FAM83A: variants seen among roughly 807,000 people sequenced by gnomAD.
FAM83A encodes the protein scaffolding CK1 anchoring protein A.
Under a neutral mutation model 24.4 loss-of-function variants are expected in FAM83A, and 21 were observed. The ratio of observed to expected loss-of-function variants is 0.86; its 90% CI spans 0.61 to 1.24. The LOEUF is 1.24. Ranked by LOEUF, FAM83A falls within the 50% of genes most tolerant of loss-of-function variation. The pLI is 0.00. For missense variants in FAM83A, 617 were observed against 579.8 expected, an observed-to-expected ratio of 1.06 and a Z score of -0.66; for synonymous variants, 270 against 252.4, an observed-to-expected ratio of 1.07 and a Z score of -0.66.
rs568369880 is a variant in FAM83A, at chr8:123,194,256, A to G, written c.773+108A>G. 184 of 1,488,920 alleles carry G rather than the reference A, an allele frequency of 1.2e-4. 3 individuals carry two copies. The South Asian group carries it at 1.8e-3, about 14-fold the overall frequency. The allele number at this position is 1,488,920 out of a possible 1,614,324, so 92.2% of individuals were successfully genotyped here. A position where few individuals can be genotyped will look rare whatever the true frequency, so the allele number is the denominator to read the frequency against. On this transcript the variant is annotated intron_variant, in intron 3 of 3. Transcript: ENST00000690554. ...CACAAACACCCCCAGCAGCTCCCAG[A>G]AGGTCTCCCTCTGCCCGGAGCTGGA...
intron 3 of FAM83A, among the ~76,000 whole-genome samples, chr8:123,194,930 T>C (rs1444675883): frequency 2.0e-5 from 3 of 152,230 alleles, no homozygotes; most frequent in Non-Finnish European, 4.4e-5. Context: ...TCCAAATGAC[T>C]GACCACCCAT....
upstream of FAM83A, among the ~76,000 whole-genome samples, chr8:123,180,885 C>T (rs1051695945): frequency 6.7e-6 from 1 of 149,820 alleles, no homozygotes; most frequent in Non-Finnish European, 1.5e-5. Flanking sequence ...TGGATTCCTT[C>T]GATGTTCCAA....
intron 1 of FAM83A, among the ~76,000 whole-genome samples, chr8:123,184,377 T>C (rs1020756935): frequency 6.6e-6 from 1 of 152,140 alleles, no homozygotes; most frequent in African/African-American, 2.4e-5. Flanking sequence ...CTAAGACCTG[T>C]CTGCCCACAG....
chr8:123,205,418 G>T (rs956243528), intron 3 of FAM83A, among the ~76,000 whole-genome samples: 1 of 152,222 alleles, frequency 6.6e-6, no homozygotes, highest in Admixed American at 6.5e-5. Context: ...CGCTTGGCTC[G>T]GCATCAACTG....
At chr8:123,208,819 C>A in exon 4 of FAM83A, 1 of 935,776 alleles carries the variant, frequency 1.1e-6, no homozygotes, top group Non-Finnish European at 1.3e-6. Flanking sequence ...CCAGCCTGAC[C>A]AATATGGTGA....
intron 1 of FAM83A, 137 bp downstream of exon 1, chr8:123,183,473 G>T: frequency 7.4e-7 from 1 of 1,347,826 alleles, no homozygotes; most frequent in Non-Finnish European, 9.9e-7. Context: ...GGGCTTTGCT[G>T]TCCGCCTTGC....
chr8:123,181,840 C>A, upstream of FAM83A: 1 of 345,626 alleles, frequency 2.9e-6, no homozygotes, highest in Non-Finnish European at 5.8e-6. Flanking sequence ...GAATGATCTT[C>A]CGACCAACCA....
chr8:123,206,094 G>C (rs1290879542), intron 3 of FAM83A, among the ~76,000 whole-genome samples: 2 of 148,988 alleles, frequency 1.3e-5, no homozygotes, highest in Non-Finnish European at 1.5e-5. Flanking sequence ...AGTGGGACGA[G>C]ATCGCACCAT....
Position 123,209,621 on chromosome 8 carries a change from G to T in FAM83A, c.*1933G>T, listed in dbSNP as rs1227238610. On this transcript the variant is annotated 3_prime_UTR_variant, in exon 4 of 4. Coordinates refer to ENST00000690554, the Ensembl canonical transcript of FAM83A. This position sits in a 1 kb window ranked among gnomAD's most constrained non-coding sequence, Gnocchi z 4.7. The stretch of plus-strand genomic sequence containing the variant: ...AGAAAGTTTAAGGAAGGCAAAGCTT[G>T]CCAGGTCACAGAAGCTCCCAAGCCC... 2.0e-6 allele frequency: 3 copies of T among 1,538,240 alleles called. No individual in the cohort carries two copies. Among genetic ancestry groups the T allele is most frequent in the Non-Finnish European group, 2.7e-6 (3 of 1,123,910 alleles).
chr8:123,205,248 GTCTTTGGACTTGT>G (rs1417908929), intron 3 of FAM83A, among the ~76,000 whole-genome samples: 2 of 152,248 alleles, frequency 1.3e-5, no homozygotes, highest in South Asian at 2.1e-4. Context: ...TTGCCAGGAA[GTCTTTGGACTTGT>G]TCTTTGGACT....
chr8:123,197,220 C>T (rs555741913), intron 3 of FAM83A, among the ~76,000 whole-genome samples: 1 of 152,258 alleles, frequency 6.6e-6, no homozygotes, highest in East Asian at 1.9e-4. Flanking sequence ...TATGTCATTC[C>T]GTCCTCAAAC....
intron 2 of FAM83A, 31 bp from the exon 3 acceptor site, chr8:123,193,992 AG>A (rs761018270): frequency 1.2e-6 from 2 of 1,613,574 alleles, no homozygotes; most frequent in African/African-American, 2.7e-5. Context: ...AAACAGAATT[AG>A]GAAGTGACAC....
At chr8:123,188,763 A>G (rs1326518677) in intron 1 of FAM83A, among the ~76,000 whole-genome samples, 1 of 152,246 alleles carries the variant, frequency 6.6e-6, no homozygotes, top group African/African-American at 2.4e-5. Flanking sequence ...GATTATAGGC[A>G]TAAGCCACCG....
chr8:123,204,544 C>T (rs1029431960), intron 3 of FAM83A, among the ~76,000 whole-genome samples: 3 of 151,898 alleles, frequency 2.0e-5, no homozygotes, highest in African/African-American at 7.3e-5. Flanking sequence ...GGGTGGATCA[C>T]GAGGTCAGGA....
chr8:123,197,868 G>A (rs1220501354), intron 3 of FAM83A, among the ~76,000 whole-genome samples: 5 of 152,180 alleles, frequency 3.3e-5, no homozygotes, highest in African/African-American at 7.2e-5. Context: ...AGTGGCTCAC[G>A]CCTGTAATCC....
chr8:123,184,736 C>T (rs1823733539), intron 1 of FAM83A, among the ~76,000 whole-genome samples: 1 of 152,218 alleles, frequency 6.6e-6, no homozygotes, highest in Admixed American at 6.5e-5. Context: ...TGCAGAGGGG[C>T]AGGGGAGAAT....
chr8:123,182,807 G>A (rs1486313023), exon 1 of FAM83A: 1 of 1,505,968 alleles, frequency 6.6e-7, no homozygotes, highest in Middle Eastern at 1.8e-4. Context: ...TCCCACATCT[G>A]GAGGAGCTGA....
chr8:123,192,582 T>C (rs1459289026), intron 2 of FAM83A, among the ~76,000 whole-genome samples: 5 of 152,222 alleles, frequency 3.3e-5, no homozygotes, highest in Non-Finnish European at 7.3e-5. Context: ...ACACCACCCA[T>C]AGCTTTCATG....
chr8:123,186,611 C>T (rs1309465671), intron 1 of FAM83A, among the ~76,000 whole-genome samples: 4 of 152,114 alleles, frequency 2.6e-5, no homozygotes, highest in Non-Finnish European at 4.4e-5. Flanking sequence ...AGGTGGATCT[C>T]CTGAGGTCAG....
Sources: allele counts gnomAD v4.1 joint callset (sites outside exome capture counted in the v4.1 genomes callset), GRCh38; gene constraint gnomAD v4.1.1; non-coding constraint Gnocchi (gnomAD v3.1); transcripts MANE v1.5; gene names NCBI Gene and HGNC (gene_info 2026-07-23, HGNC 2026-07-21).